The following RBFOX3 variants were observed in gnomAD, a reference collection of about 807,000 sequenced individuals.
The protein encoded by RBFOX3 is RNA binding fox-1 homolog 3, also known as RNA binding protein fox-1 homolog 3.
RBFOX3 carries 17 observed loss-of-function variants against 48.7 expected under a neutral mutation model. The ratio of observed to expected loss-of-function variants is 0.35; its 90% CI spans 0.24 to 0.52. The LOEUF is 0.52. Ranked by LOEUF, RBFOX3 falls within the 20% of genes least tolerant of loss-of-function variation. The pLI, the probability that RBFOX3 is intolerant of heterozygous loss-of-function variation, is 0.94. For synonymous variants in RBFOX3, 212 were observed against 209.5 expected (o/e 1.01, Z -0.10); for missense variants, 382 against 497.5 (o/e 0.77, Z 2.21).
chr17:79,168,039 G>C (rs2145606910), intron 4 of RBFOX3, among the ~76,000 whole-genome samples: 1 of 152,346 alleles, frequency 6.6e-6, no homozygotes, highest in African/African-American at 2.4e-5. Flanking sequence ...GTGAGGGGTG[G>C]GTAACTGGGG....
rs2056305696 is a variant in RBFOX3, at chr17:79,199,151, G to A, written c.-34+36615C>T. ...TGAAAGCTGCCCAGCAAAGGGTGCA[G>A]CTGTGGTCATAGGGTGGGGATGGGA... On this transcript the variant is annotated intron_variant, in intron 4 of 14. Coordinates refer to ENST00000693108, the MANE Select transcript of RBFOX3 (RefSeq NM_001350451.2). This position sits in a 1 kb window ranked among gnomAD's most constrained non-coding sequence, Gnocchi z 5.1. Among the ~76,000 whole-genome samples, 1 of 152,158 alleles carries A rather than the reference G, an allele frequency of 6.6e-6. No homozygotes were observed. The highest frequency in any genetic ancestry group is 2.1e-4 in the South Asian group (1 of 4,832).
At chr17:79,255,060 G>T (rs2064553929) in intron 3 of RBFOX3, among the ~76,000 whole-genome samples, 2 of 152,102 alleles carry the variant, frequency 1.3e-5, no homozygotes, top group African/African-American at 4.8e-5. Context: ...GCCTGTATCT[G>T]CTTGGCCTCC....
intron 1 of RBFOX3, among the ~76,000 whole-genome samples, chr17:79,559,112 C>T (rs2144092454): frequency 6.6e-6 from 1 of 152,296 alleles, no homozygotes; most frequent in African/African-American, 2.4e-5. Context: ...CACAATCTAG[C>T]ACATTAATTG....
chr17:79,355,067 G>A (rs1199973522), intron 2 of RBFOX3, among the ~76,000 whole-genome samples: 1 of 152,146 alleles, frequency 6.6e-6, no homozygotes, highest in South Asian at 2.1e-4. Flanking sequence ...AGCCCCACAC[G>A]GGATCATTCT....
Position 79,231,258 on chromosome 17 carries a change from A to G in RBFOX3, c.-34+4508T>C, listed in dbSNP as rs78292232. On this transcript the variant is annotated intron_variant, in intron 4 of 14. Coordinates refer to ENST00000693108, the MANE Select transcript of RBFOX3 (RefSeq NM_001350451.2). ...CCACTGAGTACTCAGCTGAGTACTG[A>G]TCAGCACAAGCTTTGGAGAAAACCA... 6.1e-3 allele frequency among the ~76,000 whole-genome samples: 935 copies of G among 152,304 alleles called. 12 individuals carry two copies. The highest frequency in any genetic ancestry group is 0.022 in the African/African-American group (905 of 41,558).
chr17:79,101,565 G>T lies in RBFOX3; in HGVS notation c.568+19C>A. 1 of 1,548,782 alleles carries T rather than the reference G, an allele frequency of 6.5e-7. No homozygotes were observed. Among genetic ancestry groups the T allele is most frequent in the Non-Finnish European group, 8.7e-7 (1 of 1,144,850 alleles). On this transcript the variant is annotated intron_variant, in intron 9 of 14. Coordinates refer to ENST00000693108, the MANE Select transcript of RBFOX3 (RefSeq NM_001350451.2). ...AGCCAGTGACCCCAGCAGCCTTGTG[G>T]GGGGACCCAGCCCCTTACCGTTGGT...
chr17:79,465,092 C>T (rs2076137924), intron 2 of RBFOX3, among the ~76,000 whole-genome samples: 1 of 152,228 alleles, frequency 6.6e-6, no homozygotes, highest in Non-Finnish European at 1.5e-5. Context: ...CCGAGTTAAA[C>T]CCTCTGACTT....
intron 2 of RBFOX3, among the ~76,000 whole-genome samples, chr17:79,470,669 C>T (rs1269992310): frequency 1.4e-5 from 2 of 147,632 alleles, no homozygotes; most frequent in Non-Finnish European, 2.9e-5. Flanking sequence ...TGCCTCCTCT[C>T]AAAGTATCCG....
intron 2 of RBFOX3, among the ~76,000 whole-genome samples, chr17:79,308,982 G>T: frequency 6.6e-6 from 1 of 151,978 alleles, no homozygotes; most frequent in East Asian, 1.9e-4. Flanking sequence ...AGCTGAGTGT[G>T]GTGAGTCCTA....
the RBFOX3 span, among the ~76,000 whole-genome samples, chr17:79,630,243 G>T: frequency 6.6e-6 from 1 of 152,186 alleles, no homozygotes. Flanking sequence ...CTTTGACCAA[G>T]AAGACTCCAG....
the RBFOX3 span, among the ~76,000 whole-genome samples, chr17:79,640,161 T>C: frequency 1.3e-5 from 2 of 152,170 alleles, no homozygotes; most frequent in African/African-American, 4.8e-5. Flanking sequence ...TGTGTTTCTA[T>C]ACACAACAAT....
chr17:79,460,890 C>G (rs1258754956), intron 2 of RBFOX3, among the ~76,000 whole-genome samples: 1 of 152,164 alleles, frequency 6.6e-6, no homozygotes, highest in Non-Finnish European at 1.5e-5. Context: ...TACAAATTAC[C>G]CAGTCTGTAG....
rs534068771 is a variant in RBFOX3, at chr17:79,340,508, C to T, written c.-174-32684G>A. ...TCTGTGTAAAGATGGAGTGTGTTCC[C>T]CTCCACACCTCCCCAGCTGCATGGG... On this transcript the variant is annotated intron_variant, in intron 2 of 14. Transcript: ENST00000693108. Among the ~76,000 whole-genome samples the T allele has an allele frequency of 2.6e-5, 4 of 152,204 alleles. No individual in the cohort carries two copies. The East Asian group carries it at 7.7e-4, about 29-fold the overall frequency.
At chr17:79,295,076 G>A (rs964878344) in intron 3 of RBFOX3, among the ~76,000 whole-genome samples, 1 of 152,068 alleles carries the variant, frequency 6.6e-6, no homozygotes, top group Non-Finnish European at 1.5e-5. Context: ...TAACGCTCTC[G>A]GCCCGGGTCA....
intron 1 of RBFOX3, among the ~76,000 whole-genome samples, chr17:79,551,953 A>G (rs2143655618): frequency 6.6e-6 from 1 of 152,360 alleles, no homozygotes; most frequent in Non-Finnish European, 1.5e-5. Context: ...TATAATATGC[A>G]TACAAAGCAC....
chr17:79,475,686 A>G (rs1254039395), intron 2 of RBFOX3, among the ~76,000 whole-genome samples: 2 of 152,180 alleles, frequency 1.3e-5, no homozygotes, highest in Admixed American at 6.5e-5. Flanking sequence ...ACATGTACAC[A>G]CACAAATGCA....
intron 5 of RBFOX3, among the ~76,000 whole-genome samples, chr17:79,112,542 A>G (rs772583238): frequency 3.9e-5 from 6 of 152,072 alleles, no homozygotes; most frequent in Non-Finnish European, 8.8e-5. Context: ...GGTCTGAGGC[A>G]TGGGGATGGG....
chr17:79,651,929 G>A, the RBFOX3 span, among the ~76,000 whole-genome samples: 3 of 133,878 alleles, frequency 2.2e-5, no homozygotes, highest in South Asian at 2.7e-4. Context: ...AGAGGCTCAC[G>A]TGCCGAGGAA....
rs190851459 is a variant in RBFOX3 at position 79,466,144 on chromosome 17, G to T, written c.-175+16310C>A. Among the ~76,000 whole-genome samples, 737 of 152,296 alleles carry T rather than the reference G, an allele frequency of 4.8e-3. 8 individuals carry two copies. Among genetic ancestry groups the T allele is most frequent in the African/African-American group, 0.017 (700 of 41,562 alleles). On this transcript the variant is annotated intron_variant, in intron 2 of 14. Transcript: ENST00000693108. ...TCTGCTGGGCTGTGTTTTCTACCCC[G>T]TGGGGCTGGGGACAAGATCTCTCCA...
Sources: allele counts gnomAD v4.1 joint callset (sites outside exome capture counted in the v4.1 genomes callset), GRCh38; gene constraint gnomAD v4.1.1; non-coding constraint Gnocchi (gnomAD v3.1); transcripts MANE v1.5; gene names NCBI Gene and HGNC (gene_info 2026-07-23, HGNC 2026-07-21).